Variants in AASDH observed in about 807,000 individuals in gnomAD.
AASDH encodes the protein aminoadipate-semialdehyde dehydrogenase, also known as beta-alanine-activating enzyme.
AASDH carries 81 observed loss-of-function variants against 102.3 expected under a neutral mutation model. The ratio of observed to expected loss-of-function variants is 0.79; its 90% confidence interval spans 0.66 to 0.95. The LOEUF (loss-of-function observed/expected upper bound fraction) is 0.95, where lower values mean the gene tolerates loss of function less well. Among genes scored for constraint, AASDH ranks in the 40% least tolerant of loss-of-function variants. The pLI, the probability that AASDH is intolerant of heterozygous loss-of-function variation, is 0.00. For missense variants in AASDH, 1,203 were observed against 1,266.2 expected, an observed-to-expected ratio of 0.95 and a Z score of 0.76; for synonymous variants, 398 against 454.0, an observed-to-expected ratio of 0.88 and a Z score of 1.57.
chr4:56,378,150 A>C lies in AASDH; in HGVS notation c.666T>G (p.Phe222Leu), dbSNP rs1274878364. Reference sequence around the variant, plus strand: ...AAGAGTCAAAGACTAGAACTTACCGAAAATGCTGGATATTTGGTACTATAC... The same window carrying C: ...AAGAGTCAAAGACTAGAACTTACCGCAAATGCTGGATATTTGGTACTATAC... The part of the protein sequence containing the change: ...HKCIVPNIQH[F>L]RVLFDITQED... The change falls in exon 4 of 15, where the codon TTT becomes TTG. Residue 222 changes from phenylalanine (F) to leucine (L), a missense_variant and splice_region_variant. Phe to Leu is a conservative substitution (Grantham distance 22, BLOSUM62 0). Coordinates refer to ENST00000205214, the MANE Select transcript of AASDH (RefSeq NM_181806.4). 1 of 1,594,722 alleles carries C rather than the reference A, an allele frequency of 6.3e-7. No individual in the cohort carries two copies. Among genetic ancestry groups the C allele is most frequent in the South Asian group, 1.1e-5 (1 of 87,550 alleles).
rs367991424 is a variant in AASDH at position 56,349,564 on chromosome 4, C to T, written c.2187G>A (p.Gly729=). The T allele has an allele frequency of 4.8e-5, 78 of 1,614,168 alleles. No homozygotes were observed. In the South Asian group the frequency reaches 7.7e-4, roughly 16 times the overall value. ...LKGLNSPVLI[G]KSKDPSCVAK... is the part of the protein sequence containing the mutation. ...CAACACAGGATGGATCTTTTGACTT[C>T]CCAATAAGAACTGGAGAATTTAAGC... Residue 729 remains glycine (G), a synonymous_variant, in exon 11 of 15, where the codon GGG becomes GGA. Coordinates refer to ENST00000205214, the MANE Select transcript of AASDH (RefSeq NM_181806.4).
In AASDH at chr4:56,349,830, T is replaced by A. The variant is rs1560573348; in HGVS notation, c.1921A>T (p.Ser641Cys). ...CTGAGTTTCCTTTTTGTGGCACAAC[T>A]CTTCCTGAATGTCACATCTTCATCT... is the stretch of plus-strand genomic sequence containing the variant. ...VPDEDVTFRKSCATKRKLSDI... is the reference protein window; with the variant it reads ...VPDEDVTFRKCCATKRKLSDI... Residue 641 changes from serine to cysteine, a missense_variant, in exon 11 of 15, where the codon AGT becomes TGT. Transcript: ENST00000205214. The A allele has an allele frequency of 6.2e-7, 1 of 1,614,168 alleles. No homozygotes were observed. Among genetic ancestry groups the A allele is most frequent in the Non-Finnish European group, 8.5e-7 (1 of 1,180,010 alleles).
chr4:56,385,929 C>CT (rs199518814), intron 1 of AASDH, among the ~76,000 whole-genome samples: 395 of 113,728 alleles, frequency 3.5e-3, no homozygotes, highest in African/African-American at 9.7e-3. Context: ...TCTTTTCTTT[C>CT]TTTTTTTTTT....
intron 5 of AASDH, among the ~76,000 whole-genome samples, chr4:56,361,216 A>G (rs1470739037): frequency 1.3e-5 from 2 of 152,164 alleles, no homozygotes; most frequent in Non-Finnish European, 2.9e-5. Context: ...GTTCGAGACC[A>G]GCCTAGCCAG....
At chr4:56,343,006 C>T in intron 13 of AASDH, 40 bp from the exon 14 acceptor site, 1 of 1,505,512 alleles carries the variant, frequency 6.6e-7, no homozygotes, top group Non-Finnish European at 8.9e-7. Context: ...TTTATGTCAT[C>T]CTACTAATCA....
intron 4 of AASDH, among the ~76,000 whole-genome samples, chr4:56,375,339 T>C (rs1255158039): frequency 6.6e-6 from 1 of 152,210 alleles, no homozygotes; most frequent in Non-Finnish European, 1.5e-5. Context: ...GTCTGAAATT[T>C]AATACTCCCT....
chr4:56,387,173 G>T (rs1386414351), intron 1 of AASDH, among the ~76,000 whole-genome samples, 189 bp downstream of exon 1: 3 of 152,170 alleles, frequency 2.0e-5, no homozygotes, highest in African/African-American at 4.8e-5. Flanking sequence ...GGCTAGTGAC[G>T]CAGGAGTGTA....
intron 11 of AASDH, 63 bp downstream of exon 11, chr4:56,349,200 C>A: frequency 6.5e-7 from 1 of 1,527,764 alleles, no homozygotes; most frequent in Non-Finnish European, 8.9e-7. Flanking sequence ...TTAACTTGGG[C>A]CTATGAAGAT....
chr4:56,354,348 A>G (rs1056766929), intron 7 of AASDH, 137 bp from the exon 8 acceptor site: 1 of 668,700 alleles, frequency 1.5e-6, no homozygotes. Flanking sequence ...TTAAAATGTT[A>G]TCTGATAAAA....
intron 5 of AASDH, 67 bp from the exon 6 acceptor site, chr4:56,355,490 T>C: frequency 7.0e-7 from 1 of 1,437,728 alleles, no homozygotes; most frequent in Non-Finnish European, 9.4e-7. Flanking sequence ...GCACTGTAGT[T>C]ATTATTTCAA....
chr4:56,356,466 C>G, intron 5 of AASDH: 2 of 1,559,754 alleles, frequency 1.3e-6, no homozygotes, highest in South Asian at 1.1e-5. Context: ...AGAGAAGAAG[C>G]AGAGGCTGTT....
At chr4:56,378,047 C>T in intron 4 of AASDH, 101 bp downstream of exon 4, 2 of 1,154,998 alleles carry the variant, frequency 1.7e-6, no homozygotes, top group Non-Finnish European at 2.4e-6. Context: ...CTCAAGTGAT[C>T]CACCCGCCTC....
rs1747871984 is a variant in AASDH at position 56,342,887 on chromosome 4, C to G, written c.2855G>C (p.Cys952Ser). The change falls in exon 14 of 15, where the codon TGT (cysteine) becomes TCT (serine). Residue 952 changes from cysteine (C) to serine (S), a missense_variant. By Grantham distance (112) the Cys-to-Ser change is moderately radical. Coordinates refer to ENST00000205214, the MANE Select transcript of AASDH (RefSeq NM_181806.4). ...SSPQCCSQYI[C>S]IGCVDGNLLC... Reference sequence around the variant, plus strand: ...TAAATTCCCATCTACACAGCCAATACAAATATACTGTGAGCAACATTGTGG... The same window carrying G: ...TAAATTCCCATCTACACAGCCAATAGAAATATACTGTGAGCAACATTGTGG... 6.3e-7 allele frequency: 1 copy of G among 1,583,554 alleles called. No individual in the cohort carries two copies. Among genetic ancestry groups the G allele is most frequent in the African/African-American group, 1.4e-5 (1 of 74,020 alleles).
At chr4:56,368,182 C>T (rs2109958691) in intron 5 of AASDH, among the ~76,000 whole-genome samples, 1 of 152,312 alleles carries the variant, frequency 6.6e-6, no homozygotes, top group African/African-American at 2.4e-5. Flanking sequence ...CCATCTCTCA[C>T]TAGTTAGAAT....
At chr4:56,364,101 T>G (rs1003836811) in intron 5 of AASDH, among the ~76,000 whole-genome samples, 3 of 152,050 alleles carry the variant, frequency 2.0e-5, no homozygotes, top group Non-Finnish European at 4.4e-5. Context: ...TGGGATCAAC[T>G]GGAAGAAAGG....
At position 56,338,781 on chromosome 4, in the gene AASDH, A is replaced by C; in HGVS notation, c.2918T>G (p.Phe973Cys). ...FTHFGEQVWQ[F>C]STSGPIFSSP... Reference sequence around the variant, plus strand: ...TGAAAAGATTGGTCCACTGGTAGAGAACTGCCAAACCTATAACAAGTAATA... The same window carrying C: ...TGAAAAGATTGGTCCACTGGTAGAGCACTGCCAAACCTATAACAAGTAATA... The change falls in exon 15 of 15, where the codon TTC becomes TGC. Residue 973 changes from phenylalanine to cysteine, a missense_variant. By Grantham distance (205) the Phe-to-Cys change is radical (BLOSUM62 -2). Transcript: ENST00000205214. 3 of 1,613,862 alleles carry C rather than the reference A, an allele frequency of 1.9e-6. No individual in the cohort carries two copies. The highest frequency in any genetic ancestry group is 2.5e-6 in the Non-Finnish European group (3 of 1,179,878).
chr4:56,343,756 T>C (rs2109850261), intron 12 of AASDH, 72 bp from the exon 13 acceptor site: 6 of 1,411,026 alleles, frequency 4.3e-6, no homozygotes, highest in East Asian at 4.9e-5. Flanking sequence ...CCCTTCATGA[T>C]ATTATGTCTG....
intron 3 of AASDH, among the ~76,000 whole-genome samples, chr4:56,379,297 C>G (rs567016326): frequency 7.8e-4 from 119 of 152,236 alleles, no homozygotes; most frequent in African/African-American, 2.6e-3. Flanking sequence ...AAACACCCAG[C>G]TAGCTTTTTA....
chr4:56,339,714 G>GCACTC (rs1747414459), intron 14 of AASDH, among the ~76,000 whole-genome samples: 1 of 141,778 alleles, frequency 7.1e-6, no homozygotes, highest in East Asian at 2.1e-4. Context: ...TCACACTACT[G>GCACTC]CACTCCACCC....
Sources: gnomAD v4.1 joint callset for allele counts (sites outside exome capture counted in the v4.1 genomes callset) on GRCh38, gnomAD v4.1.1 for gene constraint, MANE v1.5 for transcripts, NCBI Gene and HGNC (gene_info 2026-07-23, HGNC 2026-07-21) for gene names.